NDUFAF1: variants seen among roughly 807,000 people sequenced by gnomAD.
NDUFAF1 encodes NADH:ubiquinone oxidoreductase complex assembly factor 1.
Under a neutral mutation model 28.7 loss-of-function variants are expected in NDUFAF1, and 18 were observed. The ratio of observed to expected loss-of-function variants is 0.63; its 90% CI spans 0.43 to 0.93. NDUFAF1 has a LOEUF of 0.93. NDUFAF1 is among the 40% of genes least tolerant of loss of function. NDUFAF1 has a pLI of 0.00. For synonymous variants in NDUFAF1, 113 were observed against 139.7 expected (o/e 0.81, Z 1.35); for missense variants, 404 against 398.3 (o/e 1.01, Z -0.12).
chr15:41,396,287 C>A (rs1457677451), intron 2 of NDUFAF1, among the ~76,000 whole-genome samples, 200 bp downstream of exon 2: 1 of 152,086 alleles, frequency 6.6e-6, no homozygotes, highest in East Asian at 1.9e-4. Flanking sequence ...TTAACTCCTC[C>A]TCCTCAGAAA....
In NDUFAF1 at chr15:41,402,431, G is replaced by A. The variant is rs1053342029; in HGVS notation, c.-369C>T. The A allele has an allele frequency of 9.2e-6, 4 of 433,996 alleles. No individual in the cohort carries two copies. Among genetic ancestry groups the A allele is most frequent in the Non-Finnish European group, 1.4e-5 (3 of 213,684 alleles). 26.9% of individuals were successfully genotyped at this position (433,996 alleles called of 1,614,324 possible). A position where few individuals can be genotyped will look rare whatever the true frequency, so the allele number is the denominator to read the frequency against. ...CACACCCGGGACACACCAACCGCCG[G>A]CCTGCCGCCGCTTACCTCCCCGAGC... On this transcript the variant is annotated 5_prime_UTR_variant, in exon 1 of 5. Coordinates refer to ENST00000260361, the MANE Select transcript of NDUFAF1 (RefSeq NM_016013.4).
At chr15:41,391,405 G>T (rs1432331613) in intron 3 of NDUFAF1, among the ~76,000 whole-genome samples, 1 of 151,842 alleles carries the variant, frequency 6.6e-6, no homozygotes, top group African/African-American at 2.4e-5. Context: ...TGGATCACTT[G>T]ATGTCAGGAG....
rs1274767807 is a variant in NDUFAF1 at position 41,402,211 on chromosome 15, T to C, written c.-149A>G. On this transcript the variant is annotated 5_prime_UTR_variant, in exon 1 of 5. Transcript: ENST00000260361. ...AACAATCCTGAGAGAGGTACTATTA[T>C]TATTTCAATTATAGAGACGAAGAAA... is the stretch of plus-strand genomic sequence containing the variant. 2.2e-6 allele frequency: 1 copy of C among 454,010 alleles called. No homozygotes were observed. Among genetic ancestry groups the C allele is most frequent in the Non-Finnish European group, 4.4e-6 (1 of 226,806 alleles). 28.1% of individuals were successfully genotyped at this position (454,010 alleles called of 1,614,324 possible). A position where few individuals can be genotyped will look rare whatever the true frequency, so the allele number is the denominator to read the frequency against.
At chr15:41,395,131 G>A in intron 2 of NDUFAF1, 87 bp from the exon 3 acceptor site, 1 of 1,251,274 alleles carries the variant, frequency 8.0e-7, no homozygotes, top group Non-Finnish European at 1.1e-6. Context: ...TCATCAACAG[G>A]ATGCACTAAC....
At chr15:41,400,688 A>ATTTCTT (rs2050450284) in intron 1 of NDUFAF1, among the ~76,000 whole-genome samples, 1 of 97,822 alleles carries the variant, frequency 1.0e-5, no homozygotes, top group Non-Finnish European at 1.9e-5. Context: ...ATGCCCAGCT[A>ATTTCTT]TTTTTTTTTT....
At position 41,394,877 on chromosome 15, in the gene NDUFAF1, G is replaced by C. The variant is rs540547422; in HGVS notation, c.741C>G (p.Pro247=). The change falls in exon 3 of 5, where the codon CCC becomes CCG. Residue 247 remains proline (P), a synonymous_variant. Transcript: ENST00000260361. ...YSYFMFTRGG[P]YWQEVKIPFS... The stretch of plus-strand genomic sequence containing the variant: ...CTGTTACCTTGACCTCCTGCCAGTA[G>C]GGTCCCCCGCGGGTGAACATGAAGT... 6.2e-7 allele frequency: 1 copy of C among 1,613,950 alleles called. No individual in the cohort carries two copies. Among genetic ancestry groups the C allele is most frequent in the South Asian group, 1.1e-5 (1 of 91,076 alleles).
chr15:41,397,485 T>A (rs1485562096), intron 1 of NDUFAF1, among the ~76,000 whole-genome samples: 1 of 151,782 alleles, frequency 6.6e-6, no homozygotes, highest in African/African-American at 2.4e-5. Flanking sequence ...GAGGCTGAGG[T>A]GGGTGGATCA....
At chr15:41,389,249 ATTTTTTTT>A (rs749169325) in intron 3 of NDUFAF1, among the ~76,000 whole-genome samples, 5 of 117,148 alleles carry the variant, frequency 4.3e-5, no homozygotes, top group African/African-American at 1.7e-4. Flanking sequence ...CACCCGGCTA[ATTTTTTTT>A]TTTTTTTTTT....
At chr15:41,397,481 G>A (rs2050405975) in intron 1 of NDUFAF1, among the ~76,000 whole-genome samples, 1 of 152,094 alleles carries the variant, frequency 6.6e-6, no homozygotes, top group Non-Finnish European at 1.5e-5. Context: ...TTGGGAGGCT[G>A]AGGTGGGTGG....
At chr15:41,400,867 T>C (rs996487025) in intron 1 of NDUFAF1, among the ~76,000 whole-genome samples, 1 of 151,688 alleles carries the variant, frequency 6.6e-6, no homozygotes, top group African/African-American at 2.4e-5. Context: ...CACCCTGATA[T>C]ATATTATCTC....
At chr15:41,393,375 C>T (rs2050339405) in intron 3 of NDUFAF1, among the ~76,000 whole-genome samples, 1 of 151,068 alleles carries the variant, frequency 6.6e-6, no homozygotes, top group Non-Finnish European at 1.5e-5. Context: ...GCTCTGCCTC[C>T]CGGGTTCACG....
chr15:41,394,936 CTG>C lies in NDUFAF1; in HGVS notation c.680_681del (p.Thr227ArgfsTer11). 6.2e-7 allele frequency: 1 copy of C among 1,614,176 alleles called. No individual in the cohort carries two copies. Among genetic ancestry groups the C allele is most frequent in the Non-Finnish European group, 8.5e-7 (1 of 1,180,028 alleles). On this transcript the variant is annotated frameshift_variant, in exon 3 of 5. Transcript: ENST00000260361. LOFTEE classifies it high-confidence loss of function. Reference protein sequence around the residue: ...RPWMVNIKEDTDFFQRTNQMY... With the variant: ...RPWMVNIKEDXDFFQRTNQMY... ...ATCTGATTCGTCCTCTGGAAGAAAT[CTG>C]TGTCCTCCTTGATATTCACCATCCA... is the stretch of plus-strand genomic sequence containing the variant.
At chr15:41,393,738 A>G (rs1452579379) in intron 3 of NDUFAF1, among the ~76,000 whole-genome samples, 5 of 148,186 alleles carry the variant, frequency 3.4e-5, no homozygotes, top group African/African-American at 7.5e-5. Context: ...ACACCCAACT[A>G]ATTTTTTTAT....
intron 3 of NDUFAF1, among the ~76,000 whole-genome samples, chr15:41,393,186 A>G (rs187481820): frequency 5.0e-4 from 71 of 142,102 alleles, no homozygotes; most frequent in African/African-American, 1.7e-3. Context: ...GTGCAGTGGC[A>G]CGGTCTCAGC....
intron 3 of NDUFAF1, among the ~76,000 whole-genome samples, chr15:41,388,956 G>A (rs984910047): frequency 1.3e-5 from 2 of 152,022 alleles, no homozygotes; most frequent in African/African-American, 4.8e-5. Flanking sequence ...TAAAAGAAAT[G>A]TCCTATTCCT....
intron 3 of NDUFAF1, among the ~76,000 whole-genome samples, chr15:41,393,221 T>G (rs534463491): frequency 6.7e-6 from 1 of 150,326 alleles, no homozygotes; most frequent in Admixed American, 6.7e-5. Context: ...ACCTCCCAAG[T>G]TCAAGCAATC....
In NDUFAF1 at chr15:41,396,448, C is replaced by A. The variant is rs371279768; in HGVS notation, c.573+39G>T. On this transcript the variant is annotated intron_variant, in intron 2 of 4. Transcript: ENST00000260361. ...GTTTATGCTACAATGAAGTTCACCC[C>A]TGTTTACTAGAAAACGATGGCTCCT... 37 of 1,582,002 alleles carry A rather than the reference C, an allele frequency of 2.3e-5. No individual in the cohort carries two copies. The African/African-American group carries it at 4.7e-4, about 20-fold the overall frequency.
chr15:41,389,852 T>C (rs954759095), intron 3 of NDUFAF1, among the ~76,000 whole-genome samples: 3 of 152,174 alleles, frequency 2.0e-5, no homozygotes, highest in African/African-American at 4.8e-5. Context: ...TCTAGGAATA[T>C]AGCCTATGAA....
In NDUFAF1 at chr15:41,396,961, T is replaced by G. The variant is rs770271405; in HGVS notation, c.99A>C (p.Ala33=). The change falls in exon 2 of 5, where the codon GCA becomes GCC. Residue 33 remains alanine (A), a synonymous_variant. Transcript: ENST00000260361. ...ALYPFLGIRF[A]EYSSSLQKPV... ...GTTTCTGAAGACTACTGGAATACTCTGCAAAGCGAATACCCAAAAATGGAT... is the reference window on the plus strand; with the variant it reads ...GTTTCTGAAGACTACTGGAATACTCGGCAAAGCGAATACCCAAAAATGGAT... 6.2e-6 allele frequency: 10 copies of G among 1,612,642 alleles called. No homozygotes were observed. The highest frequency in any genetic ancestry group is 3.3e-5 in the South Asian group (3 of 90,956).
Sources: allele counts gnomAD v4.1 joint callset (sites outside exome capture counted in the v4.1 genomes callset), GRCh38; gene constraint gnomAD v4.1.1; transcripts MANE v1.5; gene names NCBI Gene and HGNC (gene_info 2026-07-23, HGNC 2026-07-21).